Variants in SLIT2 observed in about 807,000 individuals in gnomAD.
SLIT2 encodes the protein slit homolog 2 protein.
In SLIT2, 41 loss-of-function variants were observed where a neutral mutation model predicts 185.7. The ratio of observed to expected loss-of-function variants is 0.22; its 90% CI spans 0.17 to 0.29. The LOEUF (loss-of-function observed/expected upper bound fraction) is 0.29. SLIT2 is among the 10% of genes least tolerant of loss of function. The probability of loss-of-function intolerance (pLI) is 1.00; values close to 1 mark genes in which losing one functional copy is unlikely to be tolerated. For missense variants in SLIT2, 1,571 were observed against 1,909.0 expected (o/e 0.82, Z 3.30); for synonymous variants, 693 against 680.2 (o/e 1.02, Z -0.29).
At chr4:20,385,314 A>G (rs1032619903) in intron 4 of SLIT2, among the ~76,000 whole-genome samples, 3 of 152,222 alleles carry the variant, frequency 2.0e-5, no homozygotes, top group Non-Finnish European at 2.9e-5. Flanking sequence ...CAGATATTAT[A>G]AACTTTTCTT....
rs538291228 is a variant in SLIT2 at position 20,595,715 on chromosome 4, G to A, written c.3201G>A (p.Gly1067=). The change falls in exon 31 of 37, where the codon GGG becomes GGA. Residue 1067 remains glycine (G), a synonymous_variant. Transcript: ENST00000504154. ...PKGFKCDCTP[G]YVGEHCDIDF... is the part of the protein sequence containing the mutation. The stretch of plus-strand genomic sequence containing the variant: ...CCAACAGATGTGACTGCACACCAGG[G>A]TACGTAGGTGAACACTGCGACATCG... The A allele has an allele frequency of 6.2e-7, 1 of 1,614,080 alleles. No homozygotes were observed. Among genetic ancestry groups the A allele is most frequent in the Non-Finnish European group, 8.5e-7 (1 of 1,179,974 alleles).
At chr4:20,575,647 A>G (rs747221129) in intron 29 of SLIT2, among the ~76,000 whole-genome samples, 37 of 151,988 alleles carry the variant, frequency 2.4e-4, no homozygotes, top group Non-Finnish European at 3.7e-4. Context: ...TCTATCTCAC[A>G]ATAGCTTATT....
At chr4:20,504,900 T>TTTA (rs1329731057) in intron 9 of SLIT2, among the ~76,000 whole-genome samples, 1 of 151,904 alleles carries the variant, frequency 6.6e-6, no homozygotes, top group Non-Finnish European at 1.5e-5. Context: ...ATTGTTGTAT[T>TTTA]TTATTATTAT....
chr4:20,424,027 A>T (rs1258775854), intron 4 of SLIT2, among the ~76,000 whole-genome samples: 2 of 152,086 alleles, frequency 1.3e-5, no homozygotes, highest in Non-Finnish European at 2.9e-5. Context: ...AATATTTTAG[A>T]TTGCTTCATA....
chr4:20,296,952 T>C lies in SLIT2; in HGVS notation c.395+28071T>C, dbSNP rs73104801. ...TAATGCAAAGGCTGACAGGTCAGCA[T>C]GCACACACACATTATGTTATGCGCA... On this transcript the variant is annotated intron_variant, in intron 4 of 36. Transcript: ENST00000504154. 9.9e-3 allele frequency among the ~76,000 whole-genome samples: 1,508 copies of C among 152,348 alleles called. 18 individuals are homozygous for C. Among genetic ancestry groups the C allele is most frequent in the African/African-American group, 0.033 (1,393 of 41,588 alleles).
intron 29 of SLIT2, among the ~76,000 whole-genome samples, chr4:20,572,681 A>G (rs537631654): frequency 1.3e-5 from 2 of 152,272 alleles, no homozygotes; most frequent in African/African-American, 4.8e-5. Flanking sequence ...ATATTTCCCA[A>G]CAGTCAGAAC....
At chr4:20,405,811 A>T (rs1392755645) in intron 4 of SLIT2, among the ~76,000 whole-genome samples, 6 of 151,864 alleles carry the variant, frequency 4.0e-5, no homozygotes, top group African/African-American at 4.8e-5. Context: ...TAATTTAAAA[A>T]TTTTTCTCAA....
intron 33 of SLIT2, among the ~76,000 whole-genome samples, chr4:20,599,527 C>T (rs543689775): frequency 6.6e-6 from 1 of 152,116 alleles, no homozygotes; most frequent in African/African-American, 2.4e-5. Flanking sequence ...TTATAAATAG[C>T]CTTGATGTTG....
At chr4:20,344,936 G>A (rs188214186) in intron 4 of SLIT2, among the ~76,000 whole-genome samples, 35 of 152,158 alleles carry the variant, frequency 2.3e-4, no homozygotes, top group Admixed American at 1.6e-3. Context: ...TTTAAATTCT[G>A]TAGTGCTTAC....
rs763158714 is a variant in SLIT2, at chr4:20,528,993, G to C, written c.1507G>C (p.Asp503His). 6.2e-7 allele frequency: 1 copy of C among 1,613,870 alleles called. No individual in the cohort carries two copies. The highest frequency in any genetic ancestry group is 1.1e-5 in the South Asian group (1 of 91,070). ...RSKLSGDCFA[D>H]LACPEKCRCE... ...AAAATTAAGTGGAGACTGCTTTGCG[G>C]ATCTGGCTTGCCCTGAAAAGTGTCG... Residue 503 changes from aspartate (D) to histidine (H), a missense_variant, in exon 16 of 37, where the codon GAT (aspartate) becomes CAT (histidine). Coordinates refer to ENST00000504154, the MANE Select transcript of SLIT2 (RefSeq NM_004787.4). This position sits in a 1 kb window ranked among gnomAD's most constrained non-coding sequence, Gnocchi z 4.2.
intron 29 of SLIT2, among the ~76,000 whole-genome samples, chr4:20,580,000 A>G (rs1726403518): frequency 6.9e-6 from 1 of 145,628 alleles, no homozygotes; most frequent in African/African-American, 2.5e-5. Flanking sequence ...AATATGTAAT[A>G]TATCATATAT....
chr4:20,524,202 C>A, intron 14 of SLIT2, 25 bp downstream of exon 14: 1 of 1,610,954 alleles, frequency 6.2e-7, no homozygotes, highest in Non-Finnish European at 8.5e-7. Context: ...TGTTATTTCC[C>A]CTGTGACCAA....
rs570394768 is a variant in SLIT2 at position 20,463,545 on chromosome 4, G to GTGTGTGTA, written c.396-4206_396-4205insGTGTGTAT. Among the ~76,000 whole-genome samples, 311 of 134,382 alleles carry GTGTGTGTA rather than the reference G, an allele frequency of 2.3e-3. 3 individuals carry two copies. Among genetic ancestry groups the GTGTGTGTA allele is most frequent in the African/African-American group, 7.9e-3 (296 of 37,254 alleles). 88.2% of individuals were successfully genotyped at this position (134,382 alleles called of 152,430 possible). ...TGTGTGTGTGTGTGTGTGTGTGTGT[G>GTGTGTGTA]TATATGTATATCTCACATCTCTCCA... is the stretch of plus-strand genomic sequence containing the variant. On this transcript the variant is annotated intron_variant, in intron 4 of 36. Coordinates refer to ENST00000504154, the MANE Select transcript of SLIT2 (RefSeq NM_004787.4).
intron 4 of SLIT2, among the ~76,000 whole-genome samples, chr4:20,349,112 A>T (rs1203585212): frequency 6.6e-6 from 1 of 152,184 alleles, no homozygotes; most frequent in Non-Finnish European, 1.5e-5. Context: ...TATCTATTAC[A>T]TATAGGAATT....
chr4:20,355,888 A>G (rs1722281354), intron 4 of SLIT2, among the ~76,000 whole-genome samples: 1 of 152,166 alleles, frequency 6.6e-6, no homozygotes, highest in Non-Finnish European at 1.5e-5. Flanking sequence ...TACTACTATT[A>G]TTATTAGGTC....
chr4:20,585,351 G>C (rs1017104879), intron 29 of SLIT2, among the ~76,000 whole-genome samples: 2 of 152,114 alleles, frequency 1.3e-5, no homozygotes, highest in African/African-American at 4.8e-5. Flanking sequence ...ATGAAAACTA[G>C]AATCATAAGG....
intron 4 of SLIT2, among the ~76,000 whole-genome samples, chr4:20,425,574 G>T (rs1213869923): frequency 3.3e-5 from 5 of 152,078 alleles, no homozygotes; most frequent in Admixed American, 6.6e-5. Flanking sequence ...ATATTGATTA[G>T]ATACAATTTT....
chr4:20,495,489 A>C (rs971414308), intron 9 of SLIT2, among the ~76,000 whole-genome samples: 25 of 152,222 alleles, frequency 1.6e-4, no homozygotes, highest in African/African-American at 6.0e-4. Context: ...TAGCAATATG[A>C]AACATTTAAA....
In SLIT2 at chr4:20,567,336, A is replaced by G. The variant is rs1398533789; in HGVS notation, c.2800A>G (p.Asn934Asp). The stretch of plus-strand genomic sequence containing the variant: ...TCCGTGTAAAAATGATGGCACATGT[A>G]ATAGTGATCCAGTTGACTTTTACCG... Reference protein sequence around the residue: ...SNPCKNDGTCNSDPVDFYRCT... With the variant: ...SNPCKNDGTCDSDPVDFYRCT... The change falls in exon 27 of 37, where the codon AAT becomes GAT. Residue 934 changes from asparagine (N) to aspartate (D), a missense_variant. Around this residue, in one of 3 missense-constraint regions of SLIT2, gnomAD observed 1,202 missense variants for 1,416.4 expected, o/e 0.85. Transcript: ENST00000504154. 5.0e-6 allele frequency: 8 copies of G among 1,613,188 alleles called. No homozygotes were observed. The highest frequency in any genetic ancestry group is 1.1e-5 in the South Asian group (1 of 91,032).
Sources: allele counts gnomAD v4.1 joint callset (sites outside exome capture counted in the v4.1 genomes callset), GRCh38; gene constraint gnomAD v4.1.1; regional missense constraint gnomAD v4.1.1; non-coding constraint Gnocchi (gnomAD v3.1); transcripts MANE v1.5; gene names NCBI Gene and HGNC (gene_info 2026-07-23, HGNC 2026-07-21).